Variants in NRAP observed in about 807,000 individuals in gnomAD.
The protein encoded by NRAP is nebulin related anchoring protein, also known as nebulin-related-anchoring protein.
Under a neutral mutation model 225.9 loss-of-function variants are expected in NRAP, and 189 were observed. The observed-to-expected ratio is 0.84, with a 90% CI of 0.74 to 0.94. NRAP has a LOEUF of 0.94. Among genes scored for constraint, NRAP ranks in the 40% least tolerant of loss-of-function variants. The probability of loss-of-function intolerance (pLI) is 0.00; values close to 1 mark genes in which losing one functional copy is unlikely to be tolerated. For synonymous variants in NRAP, 769 were observed against 790.7 expected, an observed-to-expected ratio of 0.97 and a Z score of 0.46; for missense variants, 2,176 against 2,168.7, an observed-to-expected ratio of 1.00 and a Z score of -0.07.
In NRAP at chr10:113,631,626, A is replaced by G. The variant is rs1392236565; in HGVS notation, c.1741-16T>C. On this transcript the variant is annotated splice_polypyrimidine_tract_variant and intron_variant, in intron 17 of 41. Transcript: ENST00000359988. ...TATATTTAATCTTGAGAGAAAGAAG[A>G]AGGTCTACTGTGAGTGAGAGAGAAA... is the stretch of plus-strand genomic sequence containing the variant. 6.6e-7 allele frequency: 1 copy of G among 1,525,520 alleles called. No individual in the cohort carries two copies. The highest frequency in any genetic ancestry group is 9.1e-7 in the Non-Finnish European group (1 of 1,101,840). The allele number at this position is 1,525,520 out of a possible 1,614,324, so 94.5% of individuals were successfully genotyped here.
At chr10:113,620,834 T>C (rs751724629) in intron 24 of NRAP, 126 bp from the exon 25 acceptor site, 1 of 692,882 alleles carries the variant, frequency 1.4e-6, no homozygotes. Flanking sequence ...CACTTTTGTC[T>C]TATGCATTTC....
At chr10:113,610,098 C>T (rs927228003) in intron 31 of NRAP, among the ~76,000 whole-genome samples, 9 of 152,040 alleles carry the variant, frequency 5.9e-5, no homozygotes, top group Admixed American at 4.6e-4. Flanking sequence ...GCCTGTAATC[C>T]CAAAACTTTG....
At chr10:113,657,181 G>T (rs1850359372) in intron 4 of NRAP, among the ~76,000 whole-genome samples, 1 of 152,092 alleles carries the variant, frequency 6.6e-6, no homozygotes, top group African/African-American at 2.4e-5. Context: ...GGAGAGAAAA[G>T]GGTGGAGCTG....
intron 4 of NRAP, among the ~76,000 whole-genome samples, chr10:113,654,640 G>C (rs1462416691): frequency 6.6e-6 from 1 of 152,130 alleles, no homozygotes; most frequent in East Asian, 1.9e-4. Flanking sequence ...TATTGTCTGA[G>C]TGATAAGTAC....
chr10:113,599,807 CT>C (rs146516203), intron 35 of NRAP, among the ~76,000 whole-genome samples: 10,479 of 152,210 alleles, frequency 0.069, 824 homozygotes, highest in African/African-American at 0.19. Flanking sequence ...AATGAGAGAC[CT>C]TTCAAAGCTG....
intron 22 of NRAP, among the ~76,000 whole-genome samples, chr10:113,624,181 T>A (rs964547389): frequency 4.6e-5 from 7 of 152,134 alleles, no homozygotes; most frequent in Non-Finnish European, 5.9e-5. Context: ...CTGTTTCTCC[T>A]CCCAATTCTC....
chr10:113,656,791 G>T (rs1850333995), intron 4 of NRAP, among the ~76,000 whole-genome samples: 1 of 152,164 alleles, frequency 6.6e-6, no homozygotes, highest in Non-Finnish European at 1.5e-5. Context: ...AATCAATAGA[G>T]AAAAGTCTGG....
At chr10:113,607,388 C>T (rs11196395) in intron 32 of NRAP, among the ~76,000 whole-genome samples, 17,459 of 91,432 alleles carry the variant, frequency 0.19, 1,419 homozygotes, top group Middle Eastern at 0.32. Flanking sequence ...GGTGAAAGAG[C>T]GAAACTCCGT....
chr10:113,615,503 C>A (rs912821833), intron 27 of NRAP, among the ~76,000 whole-genome samples: 2 of 152,190 alleles, frequency 1.3e-5, no homozygotes, highest in Non-Finnish European at 2.9e-5. Flanking sequence ...ATGAGCTGGA[C>A]TCTTCTGCAG....
intron 22 of NRAP, 105 bp from the exon 23 acceptor site, chr10:113,623,741 A>T (rs1848132823): frequency 1.5e-5 from 11 of 730,340 alleles, no homozygotes; most frequent in Non-Finnish European, 2.6e-5. Context: ...AGCAATACTG[A>T]TTATTACGTC....
In NRAP at chr10:113,641,363, A is replaced by C; in HGVS notation, c.1323+2T>G. The C allele has an allele frequency of 1.2e-6, 2 of 1,602,038 alleles. No individual in the cohort carries two copies. Among genetic ancestry groups the C allele is most frequent in the Non-Finnish European group, 1.7e-6 (2 of 1,169,220 alleles). ...AACAGACCCTGGCATAAAAGGACTC[A>C]CGTTGCTTGCCAGGCTGCCAACTTT... On this transcript the variant is annotated splice_donor_variant, in intron 13 of 41. Coordinates refer to ENST00000359988, the MANE Select transcript of NRAP (RefSeq NM_198060.4). LOFTEE classifies it high-confidence loss of function.
chr10:113,658,324 A>G (rs1254656455), intron 3 of NRAP, among the ~76,000 whole-genome samples: 7 of 152,136 alleles, frequency 4.6e-5, no homozygotes, highest in Non-Finnish European at 8.8e-5. Context: ...TTTCTTGGCT[A>G]TTTTAGAAGC....
chr10:113,625,907 G>A (rs1434719292), intron 21 of NRAP, 140 bp downstream of exon 21: 4 of 564,720 alleles, frequency 7.1e-6, no homozygotes, highest in African/African-American at 1.9e-5. Flanking sequence ...GGAAGCCTGG[G>A]GAAAGCTGGG....
rs189830096 is a variant in NRAP at position 113,588,788 on chromosome 10, G to T, written c.*187C>A. 1 of 596,146 alleles carries T rather than the reference G, an allele frequency of 1.7e-6. No individual in the cohort carries two copies. Among genetic ancestry groups the T allele is most frequent in the East Asian group, 2.8e-5 (1 of 35,920 alleles). The allele number at this position is 596,146 out of a possible 1,614,324, so 36.9% of individuals were successfully genotyped here. On this transcript the variant is annotated 3_prime_UTR_variant, in exon 42 of 42. Coordinates refer to ENST00000359988, the MANE Select transcript of NRAP (RefSeq NM_198060.4). ...GCACTCAACAGAATCAGCCATCCAC[G>T]TCTAGGTATCAGAGAGGACCACAAA...
Position 113,640,097 on chromosome 10 carries a change from T to A in NRAP, c.1428+130A>T, listed in dbSNP as rs970352552. On this transcript the variant is annotated intron_variant, in intron 14 of 41. Transcript: ENST00000359988. ...AGTGGAAAATAGAAAAGGATTTCCC[T>A]TTCCTCAATCCCTTCAACCTCTTAT... 3 of 543,978 alleles carry A rather than the reference T, an allele frequency of 5.5e-6. No individual in the cohort carries two copies. The Admixed American group carries it at 1.0e-4, about 18-fold the overall frequency. The allele number at this position is 543,978 out of a possible 1,614,324, so 33.7% of individuals were successfully genotyped here. A position where few individuals can be genotyped will look rare whatever the true frequency, so the allele number is the denominator to read the frequency against.
In NRAP at chr10:113,645,856, T is replaced by A. The variant is rs3127106; in HGVS notation, c.1079A>T (p.Gln360Leu). Residue 360 changes from glutamine to leucine, a missense_variant, in exon 11 of 42, where the codon CAG (glutamine) becomes CTG (leucine). Around this residue, in one of 3 missense-constraint regions of NRAP, gnomAD observed 1,708 missense variants for 1,695.5 expected, o/e 1.01. Transcript: ENST00000359988. ...LPAQDNLVLK[Q>L]AQSVNKLVSE... ...CACGAGTTTGTTTACGCTCTGAGCC[T>A]GTTTGAGAACCAAGTTGTCTTGAGC... 1 of 1,605,876 alleles carries A rather than the reference T, an allele frequency of 6.2e-7. No individual in the cohort carries two copies. Among genetic ancestry groups the A allele is most frequent in the East Asian group, 2.2e-5 (1 of 44,768 alleles).
chr10:113,627,571 G>A (rs540778350), intron 20 of NRAP, among the ~76,000 whole-genome samples: 40 of 152,146 alleles, frequency 2.6e-4, no homozygotes, highest in Non-Finnish European at 1.5e-5. Flanking sequence ...GATAATGAAA[G>A]CCCTAAAGGG....
At chr10:113,601,246 C>T (rs1302398404) in intron 35 of NRAP, among the ~76,000 whole-genome samples, 1 of 152,238 alleles carries the variant, frequency 6.6e-6, no homozygotes, top group Non-Finnish European at 1.5e-5. Flanking sequence ...ACCTCAGCAT[C>T]TCTGGGTCCC....
At chr10:113,661,203 T>C (rs1484796467) in intron 3 of NRAP, among the ~76,000 whole-genome samples, 2 of 152,234 alleles carry the variant, frequency 1.3e-5, no homozygotes, top group Non-Finnish European at 2.9e-5. Context: ...TTTGAGCCTC[T>C]GTTTCCTCAC....
Sources: allele counts gnomAD v4.1 joint callset (sites outside exome capture counted in the v4.1 genomes callset), GRCh38; gene constraint gnomAD v4.1.1; regional missense constraint gnomAD v4.1.1; transcripts MANE v1.5; gene names NCBI Gene and HGNC (gene_info 2026-07-23, HGNC 2026-07-21).